Variants in PPM1L observed in about 807,000 individuals in gnomAD.
The protein encoded by PPM1L is protein phosphatase, Mg2+/Mn2+ dependent 1L.
In PPM1L, 13 loss-of-function variants were observed where a neutral mutation model predicts 31.4. The ratio of observed to expected loss-of-function variants is 0.41; its 90% CI spans 0.27 to 0.66. The LOEUF (loss-of-function observed/expected upper bound fraction) is 0.66. PPM1L is among the 30% of genes least tolerant of loss of function. PPM1L has a pLI of 0.29. For missense variants in PPM1L, 326 were observed against 453.7 expected, an observed-to-expected ratio of 0.72 and a Z score of 2.56; for synonymous variants, 184 against 175.4, an observed-to-expected ratio of 1.05 and a Z score of -0.39.
chr3:160,949,778 G>A (rs1260530928), intron 1 of PPM1L, among the ~76,000 whole-genome samples: 1 of 152,208 alleles, frequency 6.6e-6, no homozygotes, highest in Non-Finnish European at 1.5e-5. Context: ...AAGTGGTTGA[G>A]AGCTGTAACG....
At chr3:160,986,206 G>GCCATCT (rs370643569) in intron 2 of PPM1L, among the ~76,000 whole-genome samples, 192 of 152,312 alleles carry the variant, frequency 1.3e-3, no homozygotes, top group African/African-American at 4.4e-3. Context: ...CTCACAGAGA[G>GCCATCT]CCATCTGGTA....
At chr3:160,988,648 T>G (rs190240402) in intron 2 of PPM1L, among the ~76,000 whole-genome samples, 3 of 152,286 alleles carry the variant, frequency 2.0e-5, no homozygotes, top group Admixed American at 6.5e-5. Flanking sequence ...CTAATCTTCC[T>G]TTCTGCTTGG....
At chr3:160,917,759 A>G (rs1051809394) in intron 1 of PPM1L, among the ~76,000 whole-genome samples, 3 of 152,156 alleles carry the variant, frequency 2.0e-5, no homozygotes, top group African/African-American at 7.2e-5. Flanking sequence ...CCAATTTGGG[A>G]CCGTTTAGTA....
At chr3:160,880,164 G>A (rs1576686501) in intron 1 of PPM1L, among the ~76,000 whole-genome samples, 1 of 152,212 alleles carries the variant, frequency 6.6e-6, no homozygotes, top group East Asian at 1.9e-4. Flanking sequence ...AGGAGGAGAG[G>A]AACAATATTC....
chr3:160,802,956 A>T (rs1712478833), intron 1 of PPM1L, among the ~76,000 whole-genome samples: 1 of 152,216 alleles, frequency 6.6e-6, no homozygotes, highest in Non-Finnish European at 1.5e-5. Context: ...CTCTATTAAG[A>T]TAGAGATTGG....
chr3:160,835,366 G>A (rs1713684396), intron 1 of PPM1L, among the ~76,000 whole-genome samples: 1 of 151,502 alleles, frequency 6.6e-6, no homozygotes, highest in South Asian at 2.1e-4. Flanking sequence ...CTTCCTTACT[G>A]AGGCTGTGAT....
chr3:160,774,717 G>C (rs1291982280), intron 1 of PPM1L, among the ~76,000 whole-genome samples: 2 of 152,176 alleles, frequency 1.3e-5, no homozygotes, highest in Non-Finnish European at 2.9e-5. Context: ...ATGGGGAAGA[G>C]GATGTCTTGT....
At chr3:160,996,478 G>A (rs1217991666) in intron 2 of PPM1L, among the ~76,000 whole-genome samples, 1 of 152,066 alleles carries the variant, frequency 6.6e-6, no homozygotes. Flanking sequence ...ATTTAATAAT[G>A]GCATTCACAG....
intron 1 of PPM1L, among the ~76,000 whole-genome samples, chr3:160,942,951 T>C (rs1335714836): frequency 6.6e-6 from 1 of 152,148 alleles, no homozygotes; most frequent in African/African-American, 2.4e-5. Flanking sequence ...ATCTGAAGGA[T>C]AGACTTTTTT....
intron 1 of PPM1L, among the ~76,000 whole-genome samples, chr3:160,957,708 C>T (rs1266590180): frequency 4.0e-5 from 6 of 151,734 alleles, no homozygotes; most frequent in African/African-American, 1.5e-4. Flanking sequence ...TCCCAAGTAG[C>T]TGGGACTACA....
intron 1 of PPM1L, among the ~76,000 whole-genome samples, chr3:160,793,332 A>T (rs1021377457): frequency 6.6e-6 from 1 of 152,188 alleles, no homozygotes; most frequent in Non-Finnish European, 1.5e-5. Flanking sequence ...ATGGAGTTGG[A>T]TGGGACCTTT....
intron 1 of PPM1L, among the ~76,000 whole-genome samples, chr3:160,823,823 G>C (rs1462132363): frequency 6.6e-6 from 1 of 152,046 alleles, no homozygotes; most frequent in Non-Finnish European, 1.5e-5. Flanking sequence ...AGCTACCAAG[G>C]CCAGGATTTA....
intron 1 of PPM1L, among the ~76,000 whole-genome samples, chr3:160,764,461 CT>C (rs1553803837): frequency 2.6e-5 from 1 of 38,242 alleles, no homozygotes; most frequent in Non-Finnish European, 4.0e-5. Flanking sequence ...TTAATTCTCC[CT>C]CTCTCTCTCT....
At chr3:160,791,246 A>G (rs1712097423) in intron 1 of PPM1L, among the ~76,000 whole-genome samples, 3 of 152,292 alleles carry the variant, frequency 2.0e-5, no homozygotes, top group East Asian at 1.9e-4. Flanking sequence ...TGGAAAAGGC[A>G]TAGGCTTAGA....
At chr3:160,809,446 C>T (rs1267600527) in intron 1 of PPM1L, among the ~76,000 whole-genome samples, 2 of 152,202 alleles carry the variant, frequency 1.3e-5, no homozygotes, top group African/African-American at 2.4e-5. Flanking sequence ...ATGTCTGGCT[C>T]CAAATGGTAT....
chr3:160,786,205 A>AT (rs1711926361), intron 1 of PPM1L, among the ~76,000 whole-genome samples: 82 of 62,416 alleles, frequency 1.3e-3, no homozygotes, highest in Non-Finnish European at 2.0e-3. Context: ...ATATATATAT[A>AT]TATTTTTTTT....
At chr3:160,835,405 A>G (rs555102682) in intron 1 of PPM1L, among the ~76,000 whole-genome samples, 6 of 152,252 alleles carry the variant, frequency 3.9e-5, no homozygotes, top group African/African-American at 1.2e-4. Flanking sequence ...GGGTTAAGCT[A>G]TAAAGTATTT....
intron 1 of PPM1L, among the ~76,000 whole-genome samples, chr3:160,827,649 A>G (rs1713397092): frequency 6.6e-6 from 1 of 152,128 alleles, no homozygotes; most frequent in Admixed American, 6.6e-5. Context: ...TGACAAAGTG[A>G]TAGCTATTAG....
chr3:161,033,987 A>C (rs1015718903), intron 2 of PPM1L, among the ~76,000 whole-genome samples: 3 of 152,222 alleles, frequency 2.0e-5, no homozygotes, highest in African/African-American at 7.2e-5. Flanking sequence ...AACTTAAACA[A>C]ATTTACAAGA....
Sources: gnomAD v4.1 joint callset for allele counts (sites outside exome capture counted in the v4.1 genomes callset) on GRCh38, gnomAD v4.1.1 for gene constraint, MANE v1.5 for transcripts, NCBI Gene and HGNC (gene_info 2026-07-23, HGNC 2026-07-21) for gene names.